Variants in JMJD1C observed in about 807,000 individuals in gnomAD.
The protein encoded by JMJD1C is jumonji domain containing 1C.
Under a neutral mutation model 245.3 loss-of-function variants are expected in JMJD1C, and 31 were observed. That is an observed-to-expected ratio of 0.13 (90% confidence interval 0.09 to 0.17). The LOEUF is 0.17. JMJD1C is among the 10% of genes least tolerant of loss of function. JMJD1C has a pLI of 1.00. For missense variants in JMJD1C, 2,691 were observed against 3,000.2 expected (o/e 0.90, Z 2.41); for synonymous variants, 1,057 against 1,017.4 (o/e 1.04, Z -0.74).
rs774670652 is a variant in JMJD1C at position 63,209,094 on chromosome 10, A to G, written c.2836T>C (p.Leu946=). 21 of 1,613,576 alleles carry G rather than the reference A, an allele frequency of 1.3e-5. No homozygotes were observed. The highest frequency in any genetic ancestry group is 1.6e-5 in the Non-Finnish European group (19 of 1,179,772). Residue 946 remains leucine, a synonymous_variant, in exon 9 of 26, where the codon TTG becomes CTG. Transcript: ENST00000399262. ...LKITAHSSPP[L]TKTLVDHHKE... ...TGATGATCTACTAAAGTTTTTGTCA[A>G]TGGTGGACTGGAATGGGCTGTAATT... is the stretch of plus-strand genomic sequence containing the variant.
At position 63,479,495 on chromosome 10, in the gene JMJD1C, G is replaced by T. The variant is rs370249205; in HGVS notation, n.113+42243C>A. 1.1e-4 allele frequency among the ~76,000 whole-genome samples: 17 copies of T among 152,094 alleles called. No homozygotes were observed. In the East Asian group the frequency reaches 2.7e-3, roughly 24 times the overall value. ...CAATTACCTCAAAAATGAAATTTTTGCCATTAGTTTGTGTAAACCAGAAAC... is the reference window on the plus strand; with the variant it reads ...CAATTACCTCAAAAATGAAATTTTTTCCATTAGTTTGTGTAAACCAGAAAC... On this transcript the variant is annotated intron_variant and non_coding_transcript_variant, in intron 1 of 3. Coordinates refer to the JMJD1C transcript ENST00000633035.
chr10:63,192,812 T>C (rs1318035478), intron 16 of JMJD1C, 126 bp downstream of exon 16: 1 of 715,156 alleles, frequency 1.4e-6, no homozygotes, highest in East Asian at 2.6e-5. Context: ...TAACCCATAA[T>C]TCAAGAAAAA....
intron 1 of JMJD1C, among the ~76,000 whole-genome samples, chr10:63,423,404 A>T (rs1950246034): frequency 6.6e-6 from 1 of 152,188 alleles, no homozygotes; most frequent in African/African-American, 2.4e-5. Context: ...GTGGAATAAT[A>T]TATCTGTCCT....
chr10:63,465,692 C>A lies in JMJD1C; in HGVS notation c.-30G>T. On this transcript the variant is annotated 5_prime_UTR_variant, in exon 1 of 26. Coordinates refer to ENST00000399262, the MANE Select transcript of JMJD1C (RefSeq NM_032776.3). ...GTCGCTGCCGAAGCGGCCGCTGCCT[C>A]CTCCAGTGCGAGGGAACCGATGAAA... 6.2e-7 allele frequency: 1 copy of A among 1,603,722 alleles called. No individual in the cohort carries two copies. The highest frequency in any genetic ancestry group is 8.5e-7 in the Non-Finnish European group (1 of 1,179,456).
intron 17 of JMJD1C, 76 bp from the exon 18 acceptor site, chr10:63,189,522 T>G: frequency 7.8e-7 from 1 of 1,281,092 alleles, no homozygotes; most frequent in Non-Finnish European, 1.1e-6. Context: ...ACAGACTTAT[T>G]TTTTTTTAAA....
intron 2 of JMJD1C, among the ~76,000 whole-genome samples, chr10:63,293,937 G>C (rs1266205414): frequency 2.0e-5 from 3 of 151,748 alleles, no homozygotes; most frequent in African/African-American, 4.8e-5. Flanking sequence ...GTCACATCTA[G>C]GTCCTTTTTC....
chr10:63,275,715 C>A (rs1344295180), intron 2 of JMJD1C, among the ~76,000 whole-genome samples: 1 of 151,892 alleles, frequency 6.6e-6, no homozygotes, highest in Non-Finnish European at 1.5e-5. Flanking sequence ...TAACAAGTAA[C>A]ATAATTATAT....
chr10:63,382,342 G>A (rs188807784), intron 1 of JMJD1C, among the ~76,000 whole-genome samples: 1 of 152,222 alleles, frequency 6.6e-6, no homozygotes, highest in East Asian at 1.9e-4. Context: ...AATTGAGCTT[G>A]ACTTTATGCT....
chr10:63,429,412 T>G (rs902565777), intron 1 of JMJD1C, among the ~76,000 whole-genome samples: 1 of 152,156 alleles, frequency 6.6e-6, no homozygotes, highest in African/African-American at 2.4e-5. Context: ...AATATTAGGA[T>G]GCACAATTTC....
At position 63,167,494 on chromosome 10, in the gene JMJD1C, T is replaced by C. The variant is rs1308444197; in HGVS notation, c.*551A>G. On this transcript the variant is annotated 3_prime_UTR_variant, in exon 26 of 26. Coordinates refer to ENST00000399262, the MANE Select transcript of JMJD1C (RefSeq NM_032776.3). The stretch of plus-strand genomic sequence containing the variant: ...TACAGTCAATAGCTTCAACAAAATA[T>C]TGAAGTGTCTGTATTTAGTATCTAC... The C allele has an allele frequency of 6.6e-6, 1 of 152,652 alleles. No individual in the cohort carries two copies. Among genetic ancestry groups the C allele is most frequent in the Non-Finnish European group, 1.5e-5 (1 of 68,032 alleles). 9.5% of individuals were successfully genotyped at this position (152,652 alleles called of 1,614,324 possible). A position where few individuals can be genotyped will look rare whatever the true frequency, so the allele number is the denominator to read the frequency against.
chr10:63,293,689 C>T (rs1342814592), intron 2 of JMJD1C, among the ~76,000 whole-genome samples: 1 of 152,154 alleles, frequency 6.6e-6, no homozygotes, highest in Non-Finnish European at 1.5e-5. Context: ...CCTCCACCCT[C>T]CTCAACACAG....
intron 1 of JMJD1C, 99 bp downstream of exon 1, chr10:63,465,396 G>A: frequency 2.4e-6 from 3 of 1,256,368 alleles, no homozygotes; most frequent in Middle Eastern, 2.8e-4. Flanking sequence ...CCGCCAGTTG[G>A]CCGGGCTGAG....
chr10:63,502,280 G>A (rs1954583138), intron 1 of JMJD1C, among the ~76,000 whole-genome samples: 2 of 152,140 alleles, frequency 1.3e-5, no homozygotes. Flanking sequence ...TACCACTGAA[G>A]TTAAAGCTTG....
At chr10:63,303,188 C>A (rs773901421) in intron 2 of JMJD1C, among the ~76,000 whole-genome samples, 1 of 152,226 alleles carries the variant, frequency 6.6e-6, no homozygotes, top group Non-Finnish European at 1.5e-5. Flanking sequence ...AAACTCTTTG[C>A]ATCTAAGATC....
At chr10:63,176,027 C>T (rs1842834480) in intron 24 of JMJD1C, among the ~76,000 whole-genome samples, 1 of 152,046 alleles carries the variant, frequency 6.6e-6, no homozygotes, top group Non-Finnish European at 1.5e-5. Context: ...TACATGTCAC[C>T]AGGAGGGCTT....
chr10:63,371,325 A>AT (rs1231824154), intron 2 of JMJD1C, among the ~76,000 whole-genome samples: 2 of 151,960 alleles, frequency 1.3e-5, no homozygotes, highest in African/African-American at 2.4e-5. Flanking sequence ...GATGTAATTA[A>AT]TTTTTTTTAC....
In JMJD1C at chr10:63,373,791, C is replaced by T. The variant is rs184155315; in HGVS notation, c.333+6527G>A. Among the ~76,000 whole-genome samples the T allele has an allele frequency of 2.2e-3, 328 of 152,226 alleles. 3 individuals carry two copies. The South Asian group carries it at 0.029, about 13-fold the overall frequency. ...TCATTACGCTGTAGGAATTTTAAAACGCTTAACTTTATAATTGCTGTTTAT... is the reference window on the plus strand; with the variant it reads ...TCATTACGCTGTAGGAATTTTAAAATGCTTAACTTTATAATTGCTGTTTAT... On this transcript the variant is annotated intron_variant, in intron 2 of 25. Transcript: ENST00000399262.
intron 3 of JMJD1C, among the ~76,000 whole-genome samples, chr10:63,264,157 G>T (rs138399563): frequency 4.0e-5 from 6 of 151,882 alleles, no homozygotes; most frequent in Middle Eastern, 3.4e-3. Flanking sequence ...AAATGTATTT[G>T]TATTTAAATT....
chr10:63,279,165 G>A (rs1038544033), intron 2 of JMJD1C, among the ~76,000 whole-genome samples: 3 of 151,940 alleles, frequency 2.0e-5, no homozygotes, highest in Non-Finnish European at 2.9e-5. Context: ...CAGGAGAATC[G>A]CTTGAACCCA....
Sources: allele counts gnomAD v4.1 joint callset (sites outside exome capture counted in the v4.1 genomes callset), GRCh38; gene constraint gnomAD v4.1.1; transcripts MANE v1.5; gene names NCBI Gene and HGNC (gene_info 2026-07-23, HGNC 2026-07-21).